The following ROBO3 variants were observed in gnomAD, a reference collection of about 807,000 sequenced individuals.
The protein encoded by ROBO3 is roundabout guidance receptor 3, also known as roundabout homolog 3.
Under a neutral mutation model 160.5 loss-of-function variants are expected in ROBO3, and 97 were observed. That is an observed-to-expected ratio of 0.60 (90% confidence interval 0.51 to 0.72). The LOEUF (loss-of-function observed/expected upper bound fraction) is 0.72, where lower values mean the gene tolerates loss of function less well. Ranked by LOEUF, ROBO3 falls within the 30% of genes least tolerant of loss-of-function variation. ROBO3 has a pLI of 0.00. For synonymous variants in ROBO3, 780 were observed against 746.2 expected, an observed-to-expected ratio of 1.05 and a Z score of -0.74; for missense variants, 1,858 against 1,846.5, an observed-to-expected ratio of 1.01 and a Z score of -0.11.
intron 24 of ROBO3, 48 bp from the exon 25 acceptor site, chr11:124,879,417 C>T (rs1367405951): frequency 6.2e-7 from 1 of 1,608,896 alleles, no homozygotes; most frequent in East Asian, 2.2e-5. Context: ...GGCCTTTTTC[C>T]TGATTTTTGC....
chr11:124,867,812 A>C lies in ROBO3; in HGVS notation c.161-990A>C, dbSNP rs549564145. Among the ~76,000 whole-genome samples the C allele has an allele frequency of 8.8e-4, 134 of 152,116 alleles. 1 individual carries two copies. Among genetic ancestry groups the C allele is most frequent in the Middle Eastern group, 3.4e-3 (1 of 294 alleles). The stretch of plus-strand genomic sequence containing the variant: ...AACAGGGGGAGGGGGCAGGGGGCAG[A>C]ACAGATGCTTGAAGTGGTCCCTGGT... On this transcript the variant is annotated intron_variant, in intron 1 of 27. Coordinates refer to ENST00000397801, the MANE Select transcript of ROBO3 (RefSeq NM_022370.4).
At chr11:124,874,344 T>C (rs1460269052) in intron 12 of ROBO3, 108 bp downstream of exon 12, 1 of 1,066,084 alleles carries the variant, frequency 9.4e-7, no homozygotes, top group Non-Finnish European at 1.3e-6. Context: ...TTTCCTGCTA[T>C]GCCAGGTCTA....
In ROBO3 at chr11:124,880,469, G is replaced by A. The variant is rs770384513; in HGVS notation, c.4010G>A (p.Gly1337Asp). ...SRPSFLSRGQ[G>D]TSTCSTAGSN... ...CCAAGCTTCCTGTCCCGGGGCCAGGGCACCAGCACATGTTCCACGGCCGGC... is the reference window on the plus strand; with the variant it reads ...CCAAGCTTCCTGTCCCGGGGCCAGGACACCAGCACATGTTCCACGGCCGGC... The change falls in exon 27 of 28, where the codon GGC becomes GAC. Residue 1337 changes from glycine to aspartate, a missense_variant. By Grantham distance (94) the Gly-to-Asp change is moderately conservative. Coordinates refer to ENST00000397801, the MANE Select transcript of ROBO3 (RefSeq NM_022370.4). 6.8e-6 allele frequency: 11 copies of A among 1,610,248 alleles called. No individual in the cohort carries two copies. In the African/African-American group the frequency reaches 1.5e-4, roughly 22 times the overall value.
At position 124,870,604 on chromosome 11, in the gene ROBO3, T is replaced by A. The variant is rs747608517; in HGVS notation, c.909T>A (p.Tyr303Ter). ...CCTGGGGTGGGGAGTGGAGCAGGTA[T>A]GAGATCCGGAGTGACCACAGCCTTT... ...KEDGELPTGRYEIRSDHSLWI... is the reference protein window; with the variant it reads ...KEDGELPTGR The change falls in exon 6 of 28, where the codon TAT becomes TAA. Residue 303 changes from tyrosine to a stop codon, truncating the protein, a stop_gained. Coordinates refer to ENST00000397801, the MANE Select transcript of ROBO3 (RefSeq NM_022370.4). LOFTEE classifies it high-confidence loss of function. 6.2e-7 allele frequency: 1 copy of A among 1,613,690 alleles called. No individual in the cohort carries two copies. The highest frequency in any genetic ancestry group is 8.5e-7 in the Non-Finnish European group (1 of 1,179,810).
At chr11:124,870,403 A>C in intron 5 of ROBO3, 100 bp downstream of exon 5, 1 of 1,503,276 alleles carries the variant, frequency 6.7e-7, no homozygotes, top group Non-Finnish European at 9.0e-7. Context: ...TTGAGAACAC[A>C]GAGAAGTCTG....
Position 124,880,459 on chromosome 11 carries a change from C to G in ROBO3, c.4000C>G (p.Arg1334Gly). ...ATACAGCAGACCAAGCTTCCTGTCC[C>G]GGGGCCAGGGCACCAGCACATGTTC... ...LPYSRPSFLS[R>G]GQGTSTCSTA... Residue 1334 changes from arginine (R) to glycine (G), a missense_variant, in exon 27 of 28, where the codon CGG (arginine) becomes GGG (glycine). Arg to Gly is a moderately radical substitution (Grantham distance 125, BLOSUM62 -2). Coordinates refer to ENST00000397801, the MANE Select transcript of ROBO3 (RefSeq NM_022370.4). 1.2e-6 allele frequency: 2 copies of G among 1,611,796 alleles called. No individual in the cohort carries two copies. Among genetic ancestry groups the G allele is most frequent in the Non-Finnish European group, 1.7e-6 (2 of 1,179,048 alleles).
Position 124,874,228 on chromosome 11 carries a change from G to C in ROBO3, c.1943G>C (p.Arg648Pro). 7 of 1,613,096 alleles carry C rather than the reference G, an allele frequency of 4.3e-6. No individual in the cohort carries two copies. Among genetic ancestry groups the C allele is most frequent in the Non-Finnish European group, 5.9e-6 (7 of 1,179,378 alleles). ...SEPSPVSEPV[R>P]TQDSSPSRPV... ...CCCAGCCCCGTCTCTGAGCCTGTCCGTACACAGGGTAAGGTCAGAGTCCCT... is the reference window on the plus strand; with the variant it reads ...CCCAGCCCCGTCTCTGAGCCTGTCCCTACACAGGGTAAGGTCAGAGTCCCT... The change falls in exon 12 of 28, where the codon CGT (arginine) becomes CCT (proline). Residue 648 changes from arginine (R) to proline (P), a missense_variant. By Grantham distance (103) the Arg-to-Pro change is moderately radical (BLOSUM62 -2). Coordinates refer to ENST00000397801, the MANE Select transcript of ROBO3 (RefSeq NM_022370.4).
chr11:124,877,987 C>T lies in ROBO3; in HGVS notation c.3037C>T (p.Pro1013Ser), dbSNP rs374806296. The change falls in exon 21 of 28, where the codon CCT (proline) becomes TCT (serine). Residue 1013 changes from proline to serine, a missense_variant. By Grantham distance (74) the Pro-to-Ser change is moderately conservative. Coordinates refer to ENST00000397801, the MANE Select transcript of ROBO3 (RefSeq NM_022370.4). ...LAQTARGTAA[P>S]GEGPVYSTID... ...TCAGACGGCCAGGGGCACGGCCGCC[C>T]CTGGCGAGGGTCCTGTCTATAGCAC... 1.2e-6 allele frequency: 2 copies of T among 1,611,478 alleles called. No individual in the cohort carries two copies. The highest frequency in any genetic ancestry group is 2.2e-5 in the East Asian group (1 of 44,816).
Position 124,875,695 on chromosome 11 carries a change from T to A in ROBO3, c.2421+10T>A. 6.3e-7 allele frequency: 1 copy of A among 1,597,094 alleles called. No individual in the cohort carries two copies. The highest frequency in any genetic ancestry group is 8.5e-7 in the Non-Finnish European group (1 of 1,171,638). On this transcript the variant is annotated intron_variant, in intron 15 of 27. Coordinates refer to ENST00000397801, the MANE Select transcript of ROBO3 (RefSeq NM_022370.4). ...CATCACGGAATACCAGGTAGAGGGA[T>A]TGAGGAGGGACTGGATGGGAGGGCC...
chr11:124,869,115 G>A lies in ROBO3; in HGVS notation c.474G>A (p.Ser158=), dbSNP rs1055222070. ...YLGAAASRNA[S]LEVAVLRDDF... ...GGGCAGCAGCGAGCAGAAACGCCTC[G>A]CTGGAAGTGGCAGGTGAGAGTCAGT... The change falls in exon 2 of 28, where the codon TCG becomes TCA. Residue 158 remains serine (S), a synonymous_variant. Coordinates refer to ENST00000397801, the MANE Select transcript of ROBO3 (RefSeq NM_022370.4). This position sits in a 1 kb window ranked among gnomAD's most constrained non-coding sequence, Gnocchi z 4.2. 8.3e-6 allele frequency: 13 copies of A among 1,561,854 alleles called. No individual in the cohort carries two copies. The highest frequency in any genetic ancestry group is 1.1e-5 in the Non-Finnish European group (13 of 1,153,934).
chr11:124,874,958 A>G (rs985074980), intron 13 of ROBO3, 49 bp downstream of exon 13: 3 of 1,579,576 alleles, frequency 1.9e-6, no homozygotes, highest in Non-Finnish European at 1.7e-6. Flanking sequence ...ATTATGAGGC[A>G]CATGAGGGCC....
At position 124,870,287 on chromosome 11, in the gene ROBO3, G is replaced by GA; in HGVS notation, c.891dup (p.Leu298ThrfsTer7). On this transcript the variant is annotated frameshift_variant, in exon 5 of 28. Coordinates refer to ENST00000397801, the MANE Select transcript of ROBO3 (RefSeq NM_022370.4). LOFTEE classifies it high-confidence loss of function. ...TCTACGCTGGCGCAAGGAGGATGGG[G>GA]AACTGCCCACAGGCAGGTGAGAGAC... 1 of 1,613,872 alleles carries GA rather than the reference G, an allele frequency of 6.2e-7. No homozygotes were observed. The highest frequency in any genetic ancestry group is 8.5e-7 in the Non-Finnish European group (1 of 1,179,798).
chr11:124,880,025 A>G, intron 26 of ROBO3, 77 bp downstream of exon 26: 1 of 1,361,302 alleles, frequency 7.3e-7, no homozygotes. Context: ...CTGATAGTAG[A>G]CCAGCTCAGC....
rs1946442741 is a variant in ROBO3, at chr11:124,877,970, C to T, written c.3020C>T (p.Ala1007Val). ...AGISLYLAQTARGTAAPGEGP... is the reference protein window; with the variant it reads ...AGISLYLAQTVRGTAAPGEGP... ...ATCTCCCTGTATCTAGCTCAGACGG[C>T]CAGGGGCACGGCCGCCCCTGGCGAG... is the stretch of plus-strand genomic sequence containing the variant. Residue 1007 changes from alanine to valine, a missense_variant, in exon 21 of 28, where the codon GCC (alanine) becomes GTC (valine). Transcript: ENST00000397801. 1.2e-6 allele frequency: 2 copies of T among 1,609,940 alleles called. No individual in the cohort carries two copies. Among genetic ancestry groups the T allele is most frequent in the Non-Finnish European group, 1.7e-6 (2 of 1,178,186 alleles).
rs755635166 is a variant in ROBO3, at chr11:124,878,063, A to C, written c.3113A>C (p.Gln1038Pro). 1.2e-6 allele frequency: 2 copies of C among 1,612,650 alleles called. No homozygotes were observed. The highest frequency in any genetic ancestry group is 1.7e-6 in the Non-Finnish European group (2 of 1,179,452). The change falls in exon 21 of 28, where the codon CAA becomes CCA. Residue 1038 changes from glutamine to proline, a missense_variant. Physicochemically the swap from Gln to Pro is moderately conservative, Grantham distance 76. Coordinates refer to ENST00000397801, the MANE Select transcript of ROBO3 (RefSeq NM_022370.4). This position sits in a 1 kb window ranked among gnomAD's most constrained non-coding sequence, Gnocchi z 4.3. Reference protein sequence around the residue: ...ELQTFHGGFPQHPSGDLGPWS... With the variant: ...ELQTFHGGFPPHPSGDLGPWS... ...CAGACCTTCCATGGGGGCTTCCCCC[A>C]ACATCCCTCAGGAGATCTGGGTCCC...
chr11:124,880,193 A>G (rs1379403242), intron 26 of ROBO3, among the ~76,000 whole-genome samples: 2 of 152,164 alleles, frequency 1.3e-5, no homozygotes, highest in African/African-American at 4.8e-5. Flanking sequence ...CCCGCTCCCC[A>G]CAAGGCTCCC....
intron 6 of ROBO3, 137 bp downstream of exon 6, chr11:124,870,865 G>A: frequency 1.3e-6 from 2 of 1,513,416 alleles, no homozygotes; most frequent in Non-Finnish European, 1.8e-6. Context: ...AGGAGTGGGA[G>A]GAGGAGAACA....
intron 1 of ROBO3, among the ~76,000 whole-genome samples, chr11:124,867,413 C>G (rs1352360147): frequency 6.6e-6 from 1 of 152,194 alleles, no homozygotes; most frequent in Non-Finnish European, 1.5e-5. Flanking sequence ...AGCTAGGAAG[C>G]GTCAAAGTCT....
chr11:124,877,465 C>T (rs1197999126), intron 19 of ROBO3, 54 bp from the exon 20 acceptor site: 18 of 1,599,788 alleles, frequency 1.1e-5, no homozygotes, highest in Non-Finnish European at 1.5e-5. Flanking sequence ...CCTCCCTTTC[C>T]TTTGCTGGCC....
Sources: gnomAD v4.1 joint callset for allele counts (sites outside exome capture counted in the v4.1 genomes callset) on GRCh38, gnomAD v4.1.1 for gene constraint, Gnocchi (gnomAD v3.1) non-coding constraint, MANE v1.5 for transcripts, NCBI Gene and HGNC (gene_info 2026-07-23, HGNC 2026-07-21) for gene names.